The following LRRC4C variants were observed in gnomAD, a reference collection of about 807,000 sequenced individuals.
The protein encoded by LRRC4C is leucine rich repeat containing 4C, also known as leucine-rich repeat-containing protein 4C.
LRRC4C carries 5 observed loss-of-function variants against 33.6 expected under a neutral mutation model. The observed-to-expected ratio is 0.15, with a 90% CI of 0.08 to 0.31. LRRC4C has a LOEUF of 0.31. Ranked by LOEUF, LRRC4C falls within the 10% of genes least tolerant of loss-of-function variation. LRRC4C has a pLI of 1.00. For synonymous variants in LRRC4C, 329 were observed against 302.0 expected (o/e 1.09, Z -0.93); for missense variants, 560 against 796.7 (o/e 0.70, Z 3.58).
intron 3 of LRRC4C, among the ~76,000 whole-genome samples, chr11:40,632,358 G>A (rs186267185): frequency 6.6e-6 from 1 of 152,308 alleles, no homozygotes. Flanking sequence ...ATGGTAATTT[G>A]CGGAACTCAA....
At chr11:40,922,299 T>G (rs1957216573) in intron 2 of LRRC4C, among the ~76,000 whole-genome samples, 1 of 152,182 alleles carries the variant, frequency 6.6e-6, no homozygotes, top group African/African-American at 2.4e-5. Context: ...ATATGTATAT[T>G]TCCCCAGAAA....
chr11:40,630,348 T>TTCC (rs1390400348), intron 3 of LRRC4C, among the ~76,000 whole-genome samples: 3 of 38,994 alleles, frequency 7.7e-5, no homozygotes, highest in Non-Finnish European at 1.5e-4. Context: ...CTTCTTCTTC[T>TTCC]TCTTCTTCTT....
chr11:40,229,354 C>A (rs1865035552), intron 5 of LRRC4C, among the ~76,000 whole-genome samples: 1 of 152,094 alleles, frequency 6.6e-6, no homozygotes. Context: ...CTCACTGCAA[C>A]TTCCGCCTCC....
intron 1 of LRRC4C, among the ~76,000 whole-genome samples, chr11:41,163,713 G>A (rs1180389892): frequency 2.0e-5 from 3 of 151,726 alleles, no homozygotes; most frequent in Admixed American, 6.6e-5. Flanking sequence ...CTGGGTTCAA[G>A]CAATTCTCCT....
chr11:41,206,389 T>C (rs72892693), intron 1 of LRRC4C, among the ~76,000 whole-genome samples: 97 of 152,198 alleles, frequency 6.4e-4, no homozygotes, highest in Non-Finnish European at 1.2e-3. Flanking sequence ...AGTTCTAAAA[T>C]TAATCAAAAA....
chr11:40,942,612 G>C (rs1327289767), intron 1 of LRRC4C, among the ~76,000 whole-genome samples: 1 of 152,024 alleles, frequency 6.6e-6, no homozygotes, highest in Non-Finnish European at 1.5e-5. Context: ...GAGGGAGGTG[G>C]GATTCAGATT....
chr11:41,342,219 T>C (rs2137479357), intron 1 of LRRC4C, among the ~76,000 whole-genome samples: 1 of 152,358 alleles, frequency 6.6e-6, no homozygotes. Context: ...CTGCTGTTGT[T>C]TTCCTAGACT....
intron 1 of LRRC4C, among the ~76,000 whole-genome samples, chr11:41,105,405 A>C (rs1941436544): frequency 6.6e-6 from 1 of 152,022 alleles, no homozygotes; most frequent in African/African-American, 2.4e-5. Context: ...CACATAATCT[A>C]TTATATTAAT....
intron 5 of LRRC4C, among the ~76,000 whole-genome samples, chr11:40,230,833 T>C (rs1865146968): frequency 6.6e-6 from 1 of 152,172 alleles, no homozygotes; most frequent in Admixed American, 6.5e-5. Flanking sequence ...TCTAGTCTTC[T>C]CTATTTAGTT....
At chr11:40,751,179 T>A (rs1206717808) in intron 2 of LRRC4C, among the ~76,000 whole-genome samples, 2 of 152,054 alleles carry the variant, frequency 1.3e-5, no homozygotes, top group Non-Finnish European at 2.9e-5. Flanking sequence ...GGGGGAAAAG[T>A]TGGAAGCCTT....
At chr11:41,231,937 A>G (rs1947820565) in intron 1 of LRRC4C, among the ~76,000 whole-genome samples, 1 of 151,840 alleles carries the variant, frequency 6.6e-6, no homozygotes, top group Non-Finnish European at 1.5e-5. Context: ...ACTCTACCTT[A>G]CAAAACTGAT....
At chr11:40,315,196 A>T (rs924857196) in intron 4 of LRRC4C, among the ~76,000 whole-genome samples, 8 of 151,968 alleles carry the variant, frequency 5.3e-5, no homozygotes, top group Admixed American at 3.3e-4. Context: ...AAAAAATAAA[A>T]TACTGCACAG....
At chr11:40,207,998 A>T (rs999891441) in intron 5 of LRRC4C, among the ~76,000 whole-genome samples, 2 of 152,130 alleles carry the variant, frequency 1.3e-5, no homozygotes, top group Non-Finnish European at 2.9e-5. Flanking sequence ...TGACAATACT[A>T]CGGGACACTA....
intron 1 of LRRC4C, among the ~76,000 whole-genome samples, chr11:41,154,318 G>T (rs1944130505): frequency 2.0e-5 from 3 of 152,006 alleles, no homozygotes; most frequent in Admixed American, 1.3e-4. Context: ...TTCTTTACCT[G>T]GTCCTCATAT....
Position 40,436,292 on chromosome 11 carries a change from T to TA in LRRC4C, c.-269-116572dup, listed in dbSNP as rs1951135827. On this transcript the variant is annotated intron_variant, in intron 3 of 6. Transcript: ENST00000528697. ...TTGGGAAGCCCCAGAGAGGGCTGTT[T>TA]AGGTAGTTTGAGGCATTCATTCATT... 2.0e-5 allele frequency among the ~76,000 whole-genome samples: 3 copies of TA among 152,176 alleles called. No homozygotes were observed. In the South Asian group the frequency reaches 6.2e-4, roughly 32 times the overall value.
At chr11:40,398,957 T>C (rs1949651540) in intron 3 of LRRC4C, among the ~76,000 whole-genome samples, 1 of 152,164 alleles carries the variant, frequency 6.6e-6, no homozygotes, top group South Asian at 2.1e-4. Context: ...TTCTGAACTT[T>C]TACTCTTTTA....
At chr11:41,282,708 T>C (rs1949711795) in intron 1 of LRRC4C, among the ~76,000 whole-genome samples, 1 of 152,172 alleles carries the variant, frequency 6.6e-6, no homozygotes, top group Non-Finnish European at 1.5e-5. Flanking sequence ...AGGGAATGCA[T>C]TTTTAGGGCA....
At chr11:40,250,224 T>C (rs1276663124) in intron 4 of LRRC4C, among the ~76,000 whole-genome samples, 1 of 152,140 alleles carries the variant, frequency 6.6e-6, no homozygotes, top group African/African-American at 2.4e-5. Context: ...CAAATATAAC[T>C]TTTGCAAAAG....
intron 3 of LRRC4C, among the ~76,000 whole-genome samples, chr11:40,448,884 A>G (rs1375100800): frequency 6.6e-6 from 1 of 152,122 alleles, no homozygotes. Flanking sequence ...AAGCATTCCT[A>G]TTTCTCTACA....
Sources: allele counts gnomAD v4.1 joint callset (sites outside exome capture counted in the v4.1 genomes callset), GRCh38; gene constraint gnomAD v4.1.1; transcripts MANE v1.5; gene names NCBI Gene and HGNC (gene_info 2026-07-23, HGNC 2026-07-21).